The following C16orf74 variants were observed in gnomAD, a reference collection of about 807,000 sequenced individuals.
C16orf74 encodes the protein calcimembrin.
Under a neutral mutation model 6.5 loss-of-function variants are expected in C16orf74, and 10 were observed. That is an observed-to-expected ratio of 1.54 (90% CI 0.95 to 2.61). The LOEUF (loss-of-function observed/expected upper bound fraction) is 2.61. Ranked by LOEUF, C16orf74 falls within the 30% of genes most tolerant of loss-of-function variation. C16orf74 has a pLI of 0.00. For missense variants in C16orf74, 141 were observed against 105.9 expected (o/e 1.33, Z -1.45); for synonymous variants, 60 against 42.5 (o/e 1.41, Z -1.60).
At chr16:85,739,674 C>T (rs999533700) in intron 1 of C16orf74, among the ~76,000 whole-genome samples, 1 of 151,906 alleles carries the variant, frequency 6.6e-6, no homozygotes, top group Non-Finnish European at 1.5e-5. Flanking sequence ...GTGGTGCATG[C>T]CTGTAACCCA....
intron 1 of C16orf74, among the ~76,000 whole-genome samples, chr16:85,737,125 C>G (rs749324157): frequency 3.3e-5 from 5 of 152,148 alleles, no homozygotes; most frequent in Non-Finnish European, 5.9e-5. Context: ...GGGAAGTGAT[C>G]TGTGCTGGGG....
intron 1 of C16orf74, among the ~76,000 whole-genome samples, chr16:85,750,690 G>C (rs1034694883): frequency 6.6e-6 from 1 of 152,186 alleles, no homozygotes; most frequent in African/African-American, 2.4e-5. Context: ...CGCCGTGCAA[G>C]TTGCAGCGCG....
chr16:85,731,679 C>A (rs1598798096), intron 2 of C16orf74, among the ~76,000 whole-genome samples: 1 of 126,272 alleles, frequency 7.9e-6, no homozygotes, highest in African/African-American at 2.9e-5. Context: ...AAAACAGGAT[C>A]TTTGTGATGT....
At chr16:85,748,118 A>ATG (rs58236803) in intron 1 of C16orf74, among the ~76,000 whole-genome samples, 6 of 75,904 alleles carry the variant, frequency 7.9e-5, no homozygotes, top group Non-Finnish European at 2.8e-4. Flanking sequence ...ATATATATAT[A>ATG]TGTGTGTGTG....
At chr16:85,708,803 C>G (rs760567338) in intron 3 of C16orf74, among the ~76,000 whole-genome samples, 7 of 152,248 alleles carry the variant, frequency 4.6e-5, no homozygotes, top group Non-Finnish European at 1.0e-4. Context: ...CTCAGGACAT[C>G]TGGAAGGGTC....
At chr16:85,735,930 C>A (rs1374256289) in intron 1 of C16orf74, among the ~76,000 whole-genome samples, 1 of 152,172 alleles carries the variant, frequency 6.6e-6, no homozygotes, top group South Asian at 2.1e-4. Context: ...CTATTACTGT[C>A]CCCACTTCAC....
chr16:85,724,444 G>A (rs1007003655), intron 2 of C16orf74, among the ~76,000 whole-genome samples: 6 of 152,290 alleles, frequency 3.9e-5, no homozygotes, highest in East Asian at 3.9e-4. Flanking sequence ...GATCCAGCTC[G>A]GCCATACTCT....
At chr16:85,750,723 C>G (rs2054428305) in intron 1 of C16orf74, among the ~76,000 whole-genome samples, 1 of 152,182 alleles carries the variant, frequency 6.6e-6, no homozygotes, top group South Asian at 2.1e-4. Flanking sequence ...CCAAGTTTCC[C>G]AAAGCCCGTG....
chr16:85,740,490 C>A (rs1407900625), intron 1 of C16orf74, among the ~76,000 whole-genome samples: 1 of 151,838 alleles, frequency 6.6e-6, no homozygotes, highest in Admixed American at 6.6e-5. Context: ...ATCACGAGGT[C>A]AGGAGATCGA....
At chr16:85,723,155 G>A (rs1236082314) in intron 2 of C16orf74, among the ~76,000 whole-genome samples, 3 of 151,840 alleles carry the variant, frequency 2.0e-5, no homozygotes, top group Non-Finnish European at 4.4e-5. Context: ...AGCTACTTGG[G>A]AGGCTGAGGC....
chr16:85,718,329 G>A (rs1023419635), intron 2 of C16orf74, among the ~76,000 whole-genome samples: 1 of 152,194 alleles, frequency 6.6e-6, no homozygotes, highest in African/African-American at 2.4e-5. Context: ...GCCTCCCAAA[G>A]TCCTGGGGTT....
intron 2 of C16orf74, among the ~76,000 whole-genome samples, chr16:85,714,207 C>A (rs1373917975): frequency 6.6e-6 from 1 of 152,032 alleles, no homozygotes; most frequent in Non-Finnish European, 1.5e-5. Context: ...CTGGGACACA[C>A]GGCTGGTGTG....
chr16:85,745,502 C>T (rs1306212462), intron 1 of C16orf74, among the ~76,000 whole-genome samples: 1 of 152,252 alleles, frequency 6.6e-6, no homozygotes, highest in Admixed American at 6.5e-5. Context: ...TTCATAAAGT[C>T]AAAAGCAACC....
chr16:85,747,769 G>A (rs866629052), intron 1 of C16orf74, among the ~76,000 whole-genome samples: 15 of 152,204 alleles, frequency 9.9e-5, no homozygotes, highest in Admixed American at 2.0e-4. Flanking sequence ...GAAGACACAA[G>A]GTATCAATCA....
chr16:85,719,426 G>A (rs1463165786), intron 2 of C16orf74, among the ~76,000 whole-genome samples: 4 of 152,134 alleles, frequency 2.6e-5, no homozygotes, highest in Non-Finnish European at 4.4e-5. Context: ...TGAGCTTTGA[G>A]AACAGTGCTT....
At chr16:85,736,940 AG>A (rs750148534) in intron 1 of C16orf74, among the ~76,000 whole-genome samples, 3 of 152,128 alleles carry the variant, frequency 2.0e-5, no homozygotes, top group African/African-American at 7.2e-5. Context: ...GCTACTCAGG[AG>A]GCTGAGGCAG....
At chr16:85,731,749 G>A (rs940656789) in intron 2 of C16orf74, among the ~76,000 whole-genome samples, 3 of 151,768 alleles carry the variant, frequency 2.0e-5, no homozygotes, top group African/African-American at 4.8e-5. Flanking sequence ...GTGCAGTGGT[G>A]TGATCACAGC....
At chr16:85,717,885 T>C (rs1490224215) in intron 2 of C16orf74, among the ~76,000 whole-genome samples, 3 of 152,172 alleles carry the variant, frequency 2.0e-5, no homozygotes, top group Middle Eastern at 3.2e-3. Flanking sequence ...TCAAAAGCCC[T>C]GAGCCAGGCA....
intron 2 of C16orf74, among the ~76,000 whole-genome samples, chr16:85,724,791 C>T (rs1359664215): frequency 6.6e-6 from 1 of 152,188 alleles, no homozygotes; most frequent in Non-Finnish European, 1.5e-5. Flanking sequence ...ACATTTGTTG[C>T]GTGGTCTGTG....
Sources: gnomAD v4.1 joint callset for allele counts (sites outside exome capture counted in the v4.1 genomes callset) on GRCh38, gnomAD v4.1.1 for gene constraint, MANE v1.5 for transcripts, NCBI Gene and HGNC (gene_info 2026-07-23, HGNC 2026-07-21) for gene names.